Variants in AK5 observed in about 807,000 individuals in gnomAD.
AK5 encodes the protein adenylate kinase 5, also known as adenylate kinase isoenzyme 5.
AK5 carries 27 observed loss-of-function variants against 69.5 expected under a neutral mutation model. The observed-to-expected ratio is 0.39, with a 90% CI of 0.29 to 0.54. The LOEUF (loss-of-function observed/expected upper bound fraction) is 0.54. Among genes scored for constraint, AK5 ranks in the 20% least tolerant of loss-of-function variants. The probability of loss-of-function intolerance (pLI) is 0.71; values close to 1 mark genes in which losing one functional copy is unlikely to be tolerated. For synonymous variants in AK5, 260 were observed against 244.4 expected, an observed-to-expected ratio of 1.06 and a Z score of -0.60; for missense variants, 531 against 700.4, an observed-to-expected ratio of 0.76 and a Z score of 2.73.
intron 8 of AK5, among the ~76,000 whole-genome samples, chr1:77,440,803 G>T (rs1652277933): frequency 6.6e-6 from 1 of 152,096 alleles, no homozygotes; most frequent in Admixed American, 6.5e-5. Flanking sequence ...AGGCTGGAGT[G>T]CAATGGCATG....
At chr1:77,464,438 A>G (rs1209365100) in intron 8 of AK5, among the ~76,000 whole-genome samples, 1 of 152,246 alleles carries the variant, frequency 6.6e-6, no homozygotes, top group Non-Finnish European at 1.5e-5. Context: ...GAGATGTAAC[A>G]TGCTCAGTGA....
chr1:77,430,231 A>G (rs906760874), intron 8 of AK5, among the ~76,000 whole-genome samples: 39 of 152,014 alleles, frequency 2.6e-4, no homozygotes, highest in African/African-American at 9.4e-4. Flanking sequence ...AAAAAAGGGG[A>G]CAGAGAGAAA....
chr1:77,518,046 A>T (rs1311239582), intron 10 of AK5, among the ~76,000 whole-genome samples: 2 of 152,242 alleles, frequency 1.3e-5, no homozygotes, highest in African/African-American at 4.8e-5. Flanking sequence ...CTTTGTCCTC[A>T]CAACCCTTCT....
chr1:77,342,959 A>G (rs1350978859), intron 6 of AK5, among the ~76,000 whole-genome samples: 5 of 152,128 alleles, frequency 3.3e-5, no homozygotes, highest in African/African-American at 9.7e-5. Context: ...AACAAAGGGT[A>G]AGGATCTTTA....
At chr1:77,334,868 T>C (rs1411075669) in intron 5 of AK5, among the ~76,000 whole-genome samples, 2 of 151,806 alleles carry the variant, frequency 1.3e-5, no homozygotes, top group Admixed American at 6.6e-5. Context: ...GTGGGCCCCA[T>C]ATATCACTTT....
chr1:77,471,321 A>G (rs1318461262), intron 8 of AK5, among the ~76,000 whole-genome samples: 1 of 152,178 alleles, frequency 6.6e-6, no homozygotes, highest in Non-Finnish European at 1.5e-5. Flanking sequence ...GATCTGTCAA[A>G]TGGGGATAAT....
intron 8 of AK5, among the ~76,000 whole-genome samples, chr1:77,430,434 A>G (rs1352906826): frequency 6.6e-6 from 1 of 152,200 alleles, no homozygotes; most frequent in African/African-American, 2.4e-5. Flanking sequence ...AATTTTAGAC[A>G]TGCTGAGTTC....
chr1:77,408,325 C>A (rs4402168), intron 6 of AK5, among the ~76,000 whole-genome samples: 13,585 of 152,132 alleles, frequency 0.089, 816 homozygotes, highest in African/African-American at 0.16. Context: ...TAATAGCCTT[C>A]TGACTGGTGT....
intron 6 of AK5, among the ~76,000 whole-genome samples, chr1:77,390,823 A>G (rs1648375459): frequency 6.6e-6 from 1 of 152,240 alleles, no homozygotes; most frequent in Non-Finnish European, 1.5e-5. Flanking sequence ...TAAAAAAGCT[A>G]AAGTAACAAA....
At chr1:77,508,573 A>G (rs1657150113) in intron 10 of AK5, among the ~76,000 whole-genome samples, 1 of 152,166 alleles carries the variant, frequency 6.6e-6, no homozygotes, top group Non-Finnish European at 1.5e-5. Context: ...TAACTTCAAG[A>G]AGTTTGGGGC....
At chr1:77,330,220 T>C in intron 5 of AK5, among the ~76,000 whole-genome samples, 1 of 152,226 alleles carries the variant, frequency 6.6e-6, no homozygotes, top group Non-Finnish European at 1.5e-5. Flanking sequence ...TAATAATAAG[T>C]GTGTTTTTCT....
At chr1:77,499,254 A>C (rs1006475549) in intron 10 of AK5, among the ~76,000 whole-genome samples, 5 of 152,158 alleles carry the variant, frequency 3.3e-5, no homozygotes, top group Non-Finnish European at 7.3e-5. Context: ...AACATATTTA[A>C]ACCAACCTTC....
intron 8 of AK5, among the ~76,000 whole-genome samples, chr1:77,457,257 A>G (rs55848622): frequency 0.046 from 6,929 of 152,246 alleles, 401 homozygotes; most frequent in East Asian, 0.19. Context: ...ACTGGGCTGC[A>G]CACCTGGTGT....
chr1:77,307,426 C>T (rs566468733), intron 5 of AK5, among the ~76,000 whole-genome samples: 3 of 151,600 alleles, frequency 2.0e-5, no homozygotes, highest in Non-Finnish European at 4.4e-5. Context: ...CAGAATTCCT[C>T]TTATTATTAA....
chr1:77,317,916 G>A (rs1045848385), intron 5 of AK5, among the ~76,000 whole-genome samples: 10 of 152,142 alleles, frequency 6.6e-5, no homozygotes, highest in South Asian at 2.1e-4. Flanking sequence ...TTTTAGTAAC[G>A]TTTATTCTTA....
intron 8 of AK5, among the ~76,000 whole-genome samples, chr1:77,439,093 T>C (rs1652146787): frequency 6.6e-6 from 1 of 152,182 alleles, no homozygotes; most frequent in Non-Finnish European, 1.5e-5. Flanking sequence ...TAAGGTGAGC[T>C]GACTTAGATC....
At chr1:77,420,553 C>T (rs1388549876) in intron 8 of AK5, among the ~76,000 whole-genome samples, 1 of 152,178 alleles carries the variant, frequency 6.6e-6, no homozygotes, top group Non-Finnish European at 1.5e-5. Flanking sequence ...CTGATCCTTA[C>T]AATAACTCAA....
intron 12 of AK5, among the ~76,000 whole-genome samples, chr1:77,531,337 T>G (rs1658569900): frequency 1.3e-5 from 2 of 152,206 alleles, no homozygotes; most frequent in African/African-American, 4.8e-5. Flanking sequence ...CACTGCAGGC[T>G]AGGATCTGGC....
intron 6 of AK5, among the ~76,000 whole-genome samples, chr1:77,342,575 G>A (rs1291802051): frequency 6.6e-6 from 1 of 152,104 alleles, no homozygotes; most frequent in Non-Finnish European, 1.5e-5. Flanking sequence ...CTTTTGGAAA[G>A]CAATGAACGC....
Sources: allele counts gnomAD v4.1 joint callset (sites outside exome capture counted in the v4.1 genomes callset), GRCh38; gene constraint gnomAD v4.1.1; transcripts MANE v1.5; gene names NCBI Gene and HGNC (gene_info 2026-07-23, HGNC 2026-07-21).